BICD1: variants seen among roughly 807,000 people sequenced by gnomAD.
BICD1 encodes protein bicaudal D homolog 1.
Under a neutral mutation model 92.5 loss-of-function variants are expected in BICD1, and 35 were observed. That is an observed-to-expected ratio of 0.38 (90% CI 0.29 to 0.50). BICD1 has a LOEUF of 0.50. Ranked by LOEUF, BICD1 falls within the 20% of genes least tolerant of loss-of-function variation. The pLI, the probability that BICD1 is intolerant of heterozygous loss-of-function variation, is 0.93. For synonymous variants in BICD1, 429 were observed against 465.1 expected (o/e 0.92, Z 1.00); for missense variants, 950 against 1,189.8 (o/e 0.80, Z 2.97).
rs537567125 is a variant in BICD1, at chr12:32,107,802, T to C, written c.213+258T>C. The C allele has an allele frequency of 4.9e-5, 34 of 698,792 alleles. No homozygotes were observed. In the East Asian group the frequency reaches 7.3e-4, roughly 15 times the overall value. 43.3% of individuals were successfully genotyped at this position (698,792 alleles called of 1,614,324 possible). On this transcript the variant is annotated intron_variant, in intron 1 of 9. Transcript: ENST00000652176. ...TGCGGGGGAGGGAGATTAGTAAGAG[T>C]CATCAAGTCTCAGCACTCTAAGACG... is the stretch of plus-strand genomic sequence containing the variant.
intron 3 of BICD1, among the ~76,000 whole-genome samples, chr12:32,303,882 A>G (rs1050941547): frequency 6.6e-6 from 1 of 152,084 alleles, no homozygotes; most frequent in Non-Finnish European, 1.5e-5. Context: ...AAATCATCCT[A>G]GCTAACATGG....
intron 1 of BICD1, among the ~76,000 whole-genome samples, chr12:32,200,910 A>C (rs1157826480): frequency 6.6e-6 from 1 of 152,214 alleles, no homozygotes; most frequent in Non-Finnish European, 1.5e-5. Context: ...AAAGGAAATA[A>C]TATGTCCAAG....
chr12:32,231,559 CTTTA>C (rs150346060), intron 2 of BICD1, among the ~76,000 whole-genome samples: 35,894 of 147,518 alleles, frequency 0.24, 4,813 homozygotes, highest in East Asian at 0.58. Context: ...TTTGTGACTG[CTTTA>C]TTTATTTATT....
intron 2 of BICD1, among the ~76,000 whole-genome samples, chr12:32,293,458 C>T (rs1469383461): frequency 6.7e-6 from 1 of 150,050 alleles, no homozygotes; most frequent in Non-Finnish European, 1.5e-5. Context: ...GCTAGGATTA[C>T]AGGCGCCCAC....
chr12:32,326,463 T>TA (rs1948779905), intron 4 of BICD1, among the ~76,000 whole-genome samples: 1 of 152,248 alleles, frequency 6.6e-6, no homozygotes, highest in Admixed American at 6.5e-5. Flanking sequence ...CGGTAATACT[T>TA]ACATATCACA....
chr12:32,187,590 T>G (rs1447949175), intron 1 of BICD1, among the ~76,000 whole-genome samples: 2 of 152,042 alleles, frequency 1.3e-5, no homozygotes, highest in Non-Finnish European at 2.9e-5. Context: ...GAAAATCGCT[T>G]GAACCTGGGA....
intron 3 of BICD1, among the ~76,000 whole-genome samples, chr12:32,298,593 G>T (rs1947946094): frequency 7.8e-6 from 1 of 128,624 alleles, no homozygotes; most frequent in African/African-American, 3.1e-5. Context: ...AAAAGAGGCT[G>T]GGCATGGTGG....
At chr12:32,288,058 G>A (rs1209758234) in intron 2 of BICD1, among the ~76,000 whole-genome samples, 1 of 152,156 alleles carries the variant, frequency 6.6e-6, no homozygotes, top group Non-Finnish European at 1.5e-5. Context: ...GCCCCGTGAG[G>A]CTCAGGCTCA....
chr12:32,307,841 C>G (rs887965006), intron 4 of BICD1, among the ~76,000 whole-genome samples: 3 of 152,126 alleles, frequency 2.0e-5, no homozygotes, highest in Non-Finnish European at 1.5e-5. Context: ...AGAATTTGTG[C>G]CCCCCAGATT....
intron 4 of BICD1, among the ~76,000 whole-genome samples, chr12:32,324,657 C>T (rs1157487754): frequency 2.0e-5 from 3 of 152,050 alleles, no homozygotes; most frequent in East Asian, 1.9e-4. Flanking sequence ...CTCGTTGCAA[C>T]CTCCATCCCC....
Position 32,235,641 on chromosome 12 carries a change from G to A in BICD1, c.426+19182G>A, listed in dbSNP as rs117887999. Among the ~76,000 whole-genome samples, 972 of 150,920 alleles carry A rather than the reference G, an allele frequency of 6.4e-3. 5 individuals are homozygous for A. Among genetic ancestry groups the A allele is most frequent in the Non-Finnish European group, 8.6e-3 (584 of 67,826 alleles). On this transcript the variant is annotated intron_variant, in intron 2 of 9. Transcript: ENST00000652176. Reference sequence around the variant, plus strand: ...GACCATTTTCTTTTCAACAGCATATGCTCCTTTTATGACTGTGTCACATTT... The same window carrying A: ...GACCATTTTCTTTTCAACAGCATATACTCCTTTTATGACTGTGTCACATTT...
intron 1 of BICD1, among the ~76,000 whole-genome samples, chr12:32,178,489 T>A (rs917129704): frequency 4.6e-5 from 7 of 151,980 alleles, no homozygotes; most frequent in African/African-American, 1.7e-4. Context: ...TGCTGGGTTC[T>A]AAGCTACAGT....
intron 5 of BICD1, among the ~76,000 whole-genome samples, chr12:32,331,898 A>G (rs1030669536): frequency 1.3e-5 from 2 of 152,194 alleles, no homozygotes; most frequent in Non-Finnish European, 2.9e-5. Flanking sequence ...AAATAGCTTC[A>G]AGTATTAACA....
At chr12:32,276,085 G>A (rs940217962) in intron 2 of BICD1, among the ~76,000 whole-genome samples, 8 of 152,072 alleles carry the variant, frequency 5.3e-5, no homozygotes, top group East Asian at 1.9e-4. Context: ...CCTCCGAAGC[G>A]TTTGTCTCTT....
At chr12:32,366,256 A>G (rs768967331) in intron 8 of BICD1, among the ~76,000 whole-genome samples, 3 of 152,252 alleles carry the variant, frequency 2.0e-5, no homozygotes, top group Non-Finnish European at 4.4e-5. Flanking sequence ...TCAAATGTAA[A>G]TATCAGTAGA....
At chr12:32,192,037 T>C (rs964859739) in intron 1 of BICD1, among the ~76,000 whole-genome samples, 2 of 152,184 alleles carry the variant, frequency 1.3e-5, no homozygotes, top group African/African-American at 4.8e-5. Flanking sequence ...GAAGAAGGCA[T>C]ATTGAAAGCC....
chr12:32,234,561 G>A (rs897270540), intron 2 of BICD1, among the ~76,000 whole-genome samples: 4 of 144,324 alleles, frequency 2.8e-5, no homozygotes, highest in Admixed American at 6.9e-5. Flanking sequence ...GCACCACTGC[G>A]CTTTAGCCTG....
At chr12:32,366,538 C>T (rs776186965) in intron 8 of BICD1, among the ~76,000 whole-genome samples, 4 of 152,032 alleles carry the variant, frequency 2.6e-5, no homozygotes, top group Admixed American at 2.6e-4. Context: ...AGAATCACCT[C>T]GGGAGGCTGA....
intron 1 of BICD1, among the ~76,000 whole-genome samples, chr12:32,132,855 G>A (rs184480629): frequency 6.6e-6 from 1 of 152,188 alleles, no homozygotes; most frequent in African/African-American, 2.4e-5. Context: ...AGTGAGCCAA[G>A]TTAGGAGGCT....
Sources: gnomAD v4.1 joint callset for allele counts (sites outside exome capture counted in the v4.1 genomes callset) on GRCh38, gnomAD v4.1.1 for gene constraint, MANE v1.5 for transcripts, NCBI Gene and HGNC (gene_info 2026-07-23, HGNC 2026-07-21) for gene names.